Variants in SNX24 observed in about 807,000 individuals in gnomAD.
SNX24 encodes the protein sorting nexin 24.
A neutral mutation model predicts 28.7 loss-of-function variants in SNX24; 22 were observed. The ratio of observed to expected loss-of-function variants is 0.77; its 90% confidence interval spans 0.55 to 1.10. The LOEUF (loss-of-function observed/expected upper bound fraction) is 1.10, where lower values mean the gene tolerates loss of function less well. Ranked by LOEUF, SNX24 falls within the 50% of genes least tolerant of loss-of-function variation. The pLI, the probability that SNX24 is intolerant of heterozygous loss-of-function variation, is 0.00. For synonymous variants in SNX24, 69 were observed against 71.5 expected (o/e 0.96, Z 0.18); for missense variants, 221 against 201.1 (o/e 1.10, Z -0.60).
intron 1 of SNX24, among the ~76,000 whole-genome samples, chr5:122,886,099 A>C (rs372542017): frequency 6.6e-6 from 1 of 152,140 alleles, no homozygotes; most frequent in Non-Finnish European, 1.5e-5. Flanking sequence ...TTGTACTCCA[A>C]AGTGCCAGGA....
chr5:122,895,963 A>T (rs1310040210), intron 1 of SNX24, among the ~76,000 whole-genome samples: 2 of 152,228 alleles, frequency 1.3e-5, no homozygotes, highest in Non-Finnish European at 2.9e-5. Context: ...AGCCTGGCCA[A>T]CATGGTGAAA....
chr5:123,004,255 G>T (rs1488712668), intron 6 of SNX24, among the ~76,000 whole-genome samples: 2 of 152,142 alleles, frequency 1.3e-5, no homozygotes, highest in Non-Finnish European at 2.9e-5. Flanking sequence ...TCTCTTAACA[G>T]ATTGAAAAGC....
At chr5:122,864,277 A>G (rs549693347) in intron 1 of SNX24, among the ~76,000 whole-genome samples, 1 of 152,278 alleles carries the variant, frequency 6.6e-6, no homozygotes, top group South Asian at 2.1e-4. Flanking sequence ...GCTCTTGGTG[A>G]TTGAGGCCAT....
intron 3 of SNX24, among the ~76,000 whole-genome samples, chr5:122,975,188 AG>A (rs1450033009): frequency 6.6e-6 from 1 of 152,152 alleles, no homozygotes; most frequent in African/African-American, 2.4e-5. Context: ...TATTGGTCTT[AG>A]TTCTCCACAC....
At chr5:123,006,347 A>G (rs1369855562) in intron 6 of SNX24, among the ~76,000 whole-genome samples, 2 of 151,968 alleles carry the variant, frequency 1.3e-5, no homozygotes, top group African/African-American at 4.8e-5. Flanking sequence ...CCCTTCCCTC[A>G]CTAGCCACAT....
At chr5:122,850,887 C>G (rs1167672226) in intron 1 of SNX24, among the ~76,000 whole-genome samples, 1 of 150,914 alleles carries the variant, frequency 6.6e-6, no homozygotes, top group East Asian at 1.9e-4. Flanking sequence ...AGTCCCAGCA[C>G]AGAAGCCAGA....
At chr5:122,919,756 G>A (rs972462619) in intron 1 of SNX24, among the ~76,000 whole-genome samples, 11 of 152,162 alleles carry the variant, frequency 7.2e-5, no homozygotes, top group Non-Finnish European at 1.6e-4. Flanking sequence ...TAAGCCAGGA[G>A]ACAGGCCAGG....
chr5:122,967,553 A>AT (rs1760763001), intron 3 of SNX24, among the ~76,000 whole-genome samples: 1 of 152,182 alleles, frequency 6.6e-6, no homozygotes, highest in Non-Finnish European at 1.5e-5. Flanking sequence ...GAAACTTGCC[A>AT]TTCTGTTTAT....
chr5:123,021,991 C>T (rs1762768946), intron 5 of SNX24, among the ~76,000 whole-genome samples: 1 of 152,148 alleles, frequency 6.6e-6, no homozygotes, highest in Non-Finnish European at 1.5e-5. Flanking sequence ...CCCAAGAGGC[C>T]TTCCACTCCG....
chr5:123,014,397 G>A (rs1762646355), intron 5 of SNX24, among the ~76,000 whole-genome samples: 2 of 122,442 alleles, frequency 1.6e-5, no homozygotes, highest in African/African-American at 6.4e-5. Flanking sequence ...GCCCAGGCTA[G>A]TCTTGAACTC....
At chr5:122,981,967 T>C (rs1761413731) in intron 3 of SNX24, among the ~76,000 whole-genome samples, 1 of 152,256 alleles carries the variant, frequency 6.6e-6, no homozygotes, top group Admixed American at 6.5e-5. Flanking sequence ...GAACCTGCCC[T>C]TCCAGATAGT....
chr5:122,926,257 T>C (rs2150107882), intron 1 of SNX24, among the ~76,000 whole-genome samples: 1 of 152,268 alleles, frequency 6.6e-6, no homozygotes, highest in Middle Eastern at 3.4e-3. Context: ...GTGCCTATTA[T>C]AGTTGCCGGT....
intron 1 of SNX24, among the ~76,000 whole-genome samples, chr5:122,927,910 G>C (rs780754001): frequency 6.6e-6 from 1 of 152,148 alleles, no homozygotes; most frequent in South Asian, 2.1e-4. Context: ...CCACAGACTA[G>C]TTGATGCAGA....
Position 123,008,239 on chromosome 5 carries a change from GACAC to G in SNX24, c.*495_*498del. On this transcript the variant is annotated 3_prime_UTR_variant, in exon 7 of 7. Coordinates refer to ENST00000261369, the MANE Select transcript of SNX24 (RefSeq NM_014035.4). ...ATGCTGGCACCAGGAGACGGCCACA[GACAC>G]ACACTGCTAAATGTGAAGATGGAAC... is the stretch of plus-strand genomic sequence containing the variant. The G allele has an allele frequency of 2.0e-6, 2 of 985,618 alleles. No homozygotes were observed. Among genetic ancestry groups the G allele is most frequent in the South Asian group, 4.7e-5 (1 of 21,310 alleles). 61.1% of individuals were successfully genotyped at this position (985,618 alleles called of 1,614,324 possible).
At chr5:122,972,330 T>C (rs2150148635) in intron 3 of SNX24, among the ~76,000 whole-genome samples, 1 of 152,292 alleles carries the variant, frequency 6.6e-6, no homozygotes, top group East Asian at 1.9e-4. Flanking sequence ...TGGTAAATGA[T>C]GCCACTTCCA....
chr5:122,856,421 C>T (rs1006124498), intron 1 of SNX24, among the ~76,000 whole-genome samples: 1 of 150,650 alleles, frequency 6.6e-6, no homozygotes, highest in Non-Finnish European at 1.5e-5. Flanking sequence ...GTGAATAGTG[C>T]TGTGATGAAC....
At chr5:122,979,938 T>G (rs1350250376) in intron 3 of SNX24, among the ~76,000 whole-genome samples, 1 of 152,252 alleles carries the variant, frequency 6.6e-6, no homozygotes, top group Non-Finnish European at 1.5e-5. Flanking sequence ...TAGTTGCAGA[T>G]GTTGAATTTA....
chr5:122,893,569 A>G lies in SNX24; in HGVS notation c.61-43165A>G, dbSNP rs147930649. 3.5e-4 allele frequency among the ~76,000 whole-genome samples: 54 copies of G among 152,286 alleles called. 1 individual carries two copies. In the East Asian group the frequency reaches 0.01, roughly 29 times the overall value. On this transcript the variant is annotated intron_variant, in intron 1 of 6. Coordinates refer to ENST00000261369, the MANE Select transcript of SNX24 (RefSeq NM_014035.4). ...ATATGTAAAGTGTGAGCATATACAC[A>G]TATTTTAAATTATGACATTTCATTT... is the stretch of plus-strand genomic sequence containing the variant.
At chr5:122,990,337 G>A (rs1232690376) in intron 3 of SNX24, among the ~76,000 whole-genome samples, 3 of 152,074 alleles carry the variant, frequency 2.0e-5, no homozygotes, top group African/African-American at 7.2e-5. Flanking sequence ...AATATAAAAT[G>A]GTGTTGGAAG....
Sources: allele counts gnomAD v4.1 joint callset (sites outside exome capture counted in the v4.1 genomes callset), GRCh38; gene constraint gnomAD v4.1.1; transcripts MANE v1.5; gene names NCBI Gene and HGNC (gene_info 2026-07-23, HGNC 2026-07-21).